NAALADL2: variants seen among roughly 807,000 people sequenced by gnomAD.
NAALADL2 encodes the protein N-acetylated alpha-linked acidic dipeptidase like 2.
In NAALADL2, 76 loss-of-function variants were observed where a neutral mutation model predicts 87.2. That is an observed-to-expected ratio of 0.87 (90% CI 0.72 to 1.05). The LOEUF (loss-of-function observed/expected upper bound fraction) is 1.05, where lower values mean the gene tolerates loss of function less well. NAALADL2 is among the 50% of genes least tolerant of loss of function. The probability of loss-of-function intolerance (pLI) is 0.00; values close to 1 mark genes in which losing one functional copy is unlikely to be tolerated. For synonymous variants in NAALADL2, 354 were observed against 331.0 expected (o/e 1.07, Z -0.75); for missense variants, 1,089 against 945.8 (o/e 1.15, Z -1.99).
At chr3:175,145,893 T>C (rs1730681725) in intron 2 of NAALADL2, among the ~76,000 whole-genome samples, 1 of 152,152 alleles carries the variant, frequency 6.6e-6, no homozygotes, top group Non-Finnish European at 1.5e-5. Flanking sequence ...CAAATATTAA[T>C]AAACCTCTTC....
intron 2 of NAALADL2, chr3:175,124,456 G>C (rs1167958365): frequency 6.6e-6 from 1 of 151,928 alleles, no homozygotes; most frequent in East Asian, 1.9e-4. Flanking sequence ...AGGCATCTAA[G>C]CAGGAATAGG....
chr3:175,304,347 C>T (rs1446774539), intron 4 of NAALADL2, among the ~76,000 whole-genome samples: 1 of 152,106 alleles, frequency 6.6e-6, no homozygotes, highest in Non-Finnish European at 1.5e-5. Flanking sequence ...TTTCCATTAT[C>T]TTCTCTCTGG....
intron 3 of NAALADL2, among the ~76,000 whole-genome samples, chr3:174,799,701 G>A (rs558562556): frequency 3.9e-4 from 60 of 152,294 alleles, no homozygotes; most frequent in Non-Finnish European, 6.6e-4. Context: ...ATGTGGAAGT[G>A]ACTTTCAAAC....
At chr3:174,730,298 A>G in intron 2 of NAALADL2, among the ~76,000 whole-genome samples, 1 of 152,026 alleles carries the variant, frequency 6.6e-6, no homozygotes, top group East Asian at 1.9e-4. Flanking sequence ...GTGTCCGTTT[A>G]TATATTCATT....
intron 2 of NAALADL2, among the ~76,000 whole-genome samples, chr3:175,106,369 T>C (rs1028797568): frequency 6.6e-6 from 1 of 152,070 alleles, no homozygotes; most frequent in African/African-American, 2.4e-5. Context: ...TATATCAGGA[T>C]CATCTGTGAT....
chr3:175,443,550 G>A (rs1233904119), intron 5 of NAALADL2, among the ~76,000 whole-genome samples: 5 of 152,122 alleles, frequency 3.3e-5, no homozygotes, highest in African/African-American at 1.2e-4. Flanking sequence ...TAGCCAGGGT[G>A]AAAGCATAAC....
chr3:174,963,307 T>C lies in NAALADL2; in HGVS notation c.43+103857T>C, dbSNP rs570247891. ...TAAACTTTTATAGGATTACTATAAA[T>C]ACTTTAGTAACATACCTGTGGTTAT... On this transcript the variant is annotated intron_variant, in intron 1 of 13. Transcript: ENST00000454872. Among the ~76,000 whole-genome samples, 80 of 152,124 alleles carry C rather than the reference T, an allele frequency of 5.3e-4. 2 individuals carry two copies. Among genetic ancestry groups the C allele is most frequent in the Non-Finnish European group, 1.1e-3 (72 of 68,014 alleles).
chr3:175,663,765 AC>A (rs1309011639), intron 11 of NAALADL2, among the ~76,000 whole-genome samples: 1 of 151,936 alleles, frequency 6.6e-6, no homozygotes, highest in Admixed American at 6.6e-5. Context: ...AAGATTTAGA[AC>A]TTTTAATTTG....
chr3:175,450,775 G>A (rs1721445396), intron 6 of NAALADL2, among the ~76,000 whole-genome samples: 1 of 152,174 alleles, frequency 6.6e-6, no homozygotes, highest in Non-Finnish European at 1.5e-5. Context: ...AGTTCAGAAA[G>A]GGAAATTGGC....
At chr3:175,118,192 G>A (rs1008941615) in intron 2 of NAALADL2, among the ~76,000 whole-genome samples, 1 of 151,786 alleles carries the variant, frequency 6.6e-6, no homozygotes, top group Non-Finnish European at 1.5e-5. Flanking sequence ...ACACCAACAT[G>A]GCACATGTAT....
intron 1 of NAALADL2, chr3:174,536,679 C>T (rs1448188493): frequency 6.6e-6 from 1 of 152,034 alleles, no homozygotes; most frequent in Non-Finnish European, 1.5e-5. Flanking sequence ...TTTATTCAAC[C>T]CTAGGTAAGC....
At chr3:175,419,406 A>T (rs1243864048) in intron 5 of NAALADL2, among the ~76,000 whole-genome samples, 3 of 151,888 alleles carry the variant, frequency 2.0e-5, no homozygotes, top group African/African-American at 7.2e-5. Flanking sequence ...ATAAAAAATT[A>T]TTATAGCAAA....
At chr3:175,136,142 A>C (rs752876656) in intron 2 of NAALADL2, among the ~76,000 whole-genome samples, 2 of 152,158 alleles carry the variant, frequency 1.3e-5, no homozygotes, top group Admixed American at 6.5e-5. Context: ...CTGAGGGGCC[A>C]GTGCTTCTGG....
chr3:175,668,249 T>C (rs79809003), intron 11 of NAALADL2, among the ~76,000 whole-genome samples: 6,597 of 152,230 alleles, frequency 0.043, 232 homozygotes, highest in African/African-American at 0.093. Flanking sequence ...TAAAACACCA[T>C]AATATCCCTT....
intron 1 of NAALADL2, among the ~76,000 whole-genome samples, chr3:175,094,756 T>TGTGTGTGTGTGTG (rs747838814): frequency 6.9e-5 from 9 of 129,880 alleles, no homozygotes; most frequent in African/African-American, 1.4e-4. Context: ...CCAGACACTA[T>TGTGTGTGTGTGTG]AGTGTGTGTG....
intron 2 of NAALADL2, among the ~76,000 whole-genome samples, chr3:175,128,082 T>C (rs954606916): frequency 3.9e-5 from 6 of 152,184 alleles, no homozygotes; most frequent in African/African-American, 1.4e-4. Context: ...TCTATGAATG[T>C]TATCATCTCT....
Position 175,013,295 on chromosome 3 carries a change from A to ATTT in NAALADL2, c.44-83494_44-83493insTTT, listed in dbSNP as rs1220823542. Among the ~76,000 whole-genome samples the ATTT allele has an allele frequency of 3.0e-4, 23 of 77,412 alleles. 1 individual carries two copies. Among genetic ancestry groups the ATTT allele is most frequent in the African/African-American group, 1.5e-3 (17 of 11,452 alleles). The allele number at this position is 77,412 out of a possible 152,430, so 50.8% of individuals were successfully genotyped here. A position where few individuals can be genotyped will look rare whatever the true frequency, so the allele number is the denominator to read the frequency against. On this transcript the variant is annotated intron_variant, in intron 1 of 13. Coordinates refer to ENST00000454872, the MANE Select transcript of NAALADL2 (RefSeq NM_207015.3). ...TATATATACATATATATATATATAT[A>ATTT]TATATATTTTTTTTTTTTTTTGAGA...
chr3:175,312,120 C>T (rs1248503616), intron 4 of NAALADL2, among the ~76,000 whole-genome samples: 1 of 151,938 alleles, frequency 6.6e-6, no homozygotes, highest in African/African-American at 2.4e-5. Flanking sequence ...TCTTACAACA[C>T]AATACATAAG....
chr3:174,557,848 G>A (rs1237194744), intron 2 of NAALADL2, among the ~76,000 whole-genome samples: 1 of 152,088 alleles, frequency 6.6e-6, no homozygotes, highest in Non-Finnish European at 1.5e-5. Context: ...AAGGGTGTAT[G>A]GGGAAACCAG....
Sources: allele counts gnomAD v4.1 joint callset (sites outside exome capture counted in the v4.1 genomes callset), GRCh38; gene constraint gnomAD v4.1.1; transcripts MANE v1.5; gene names NCBI Gene and HGNC (gene_info 2026-07-23, HGNC 2026-07-21).